FGF14: variants seen among roughly 807,000 people sequenced by gnomAD.
The protein encoded by FGF14 is fibroblast growth factor 14.
FGF14 carries 5 observed loss-of-function variants against 25.5 expected under a neutral mutation model. The observed-to-expected ratio is 0.20, with a 90% CI of 0.10 to 0.41. FGF14 has a LOEUF of 0.41. FGF14 is among the 10% of genes least tolerant of loss of function. The pLI is 1.00. For synonymous variants in FGF14, 138 were observed against 118.3 expected (o/e 1.17, Z -1.08); for missense variants, 222 against 320.1 (o/e 0.69, Z 2.34).
intron 3 of FGF14, among the ~76,000 whole-genome samples, chr13:101,801,056 A>T (rs953015439): frequency 2.0e-5 from 3 of 152,206 alleles, no homozygotes; most frequent in African/African-American, 7.2e-5. Flanking sequence ...AGTGAGGGAC[A>T]GCTACCTCGA....
chr13:101,778,139 A>G (rs552506627), intron 3 of FGF14, among the ~76,000 whole-genome samples: 1 of 152,296 alleles, frequency 6.6e-6, no homozygotes, highest in South Asian at 2.1e-4. Flanking sequence ...TCCGGCTGCC[A>G]AATTATTTAC....
intron 1 of FGF14, among the ~76,000 whole-genome samples, chr13:102,101,703 C>T (rs1303418316): frequency 1.3e-5 from 2 of 151,666 alleles, no homozygotes; most frequent in East Asian, 1.9e-4. Flanking sequence ...TCAGTTCCCC[C>T]CAACTTTTTT....
At chr13:101,871,510 A>G (rs922466651) in intron 2 of FGF14, among the ~76,000 whole-genome samples, 1 of 152,074 alleles carries the variant, frequency 6.6e-6, no homozygotes, top group African/African-American at 2.4e-5. Context: ...TTACACATCA[A>G]GTTACCAGGT....
At chr13:102,018,142 G>C (rs1053953324) in intron 1 of FGF14, among the ~76,000 whole-genome samples, 5 of 152,094 alleles carry the variant, frequency 3.3e-5, no homozygotes, top group African/African-American at 1.2e-4. Context: ...ATTTGTATGT[G>C]AATGTTTTTT....
intron 3 of FGF14, among the ~76,000 whole-genome samples, chr13:101,788,075 G>A (rs996080393): frequency 6.6e-6 from 1 of 152,126 alleles, no homozygotes; most frequent in Non-Finnish European, 1.5e-5. Flanking sequence ...GTTTTGCCAT[G>A]TTGGTCAGGC....
At chr13:101,908,642 T>C (rs150093259) in intron 1 of FGF14, among the ~76,000 whole-genome samples, 3,459 of 152,242 alleles carry the variant, frequency 0.023, 96 homozygotes, top group East Asian at 0.14. Flanking sequence ...GAAGAATCAA[T>C]ATCATGAAAA....
At chr13:101,801,598 T>C (rs540317949) in intron 3 of FGF14, among the ~76,000 whole-genome samples, 4 of 152,216 alleles carry the variant, frequency 2.6e-5, no homozygotes, top group Non-Finnish European at 5.9e-5. Flanking sequence ...TAGTTCTGAC[T>C]GATCTATTTA....
chr13:102,277,021 T>C (rs990661535), intron 1 of FGF14, among the ~76,000 whole-genome samples: 1 of 152,180 alleles, frequency 6.6e-6, no homozygotes, highest in Non-Finnish European at 1.5e-5. Context: ...AGGATTAATA[T>C]GTTGCCTAAC....
chr13:102,315,811 C>T (rs1156304915), intron 1 of FGF14, among the ~76,000 whole-genome samples: 2 of 152,148 alleles, frequency 1.3e-5, no homozygotes, highest in Admixed American at 6.5e-5. Flanking sequence ...GAGCCTAACA[C>T]AGATTTATTG....
intron 3 of FGF14, among the ~76,000 whole-genome samples, chr13:101,734,014 A>T (rs1241105911): frequency 1.3e-5 from 2 of 151,808 alleles, no homozygotes; most frequent in Non-Finnish European, 2.9e-5. Context: ...ATACATAAGG[A>T]GATGTCTGTG....
At chr13:102,316,973 T>C (rs1410318746) in intron 1 of FGF14, among the ~76,000 whole-genome samples, 1 of 152,186 alleles carries the variant, frequency 6.6e-6, no homozygotes, top group African/African-American at 2.4e-5. Flanking sequence ...ATGATACTTC[T>C]TTTGATTGTA....
At position 102,278,669 on chromosome 13, in the gene FGF14, CAT is replaced by C. The variant is rs757309812; in HGVS notation, c.208+122800_208+122801del. On this transcript the variant is annotated intron_variant, in intron 1 of 4. Transcript: ENST00000376131. Reference sequence around the variant, plus strand: ...ATACATACACACACATACACACACACATACACACTTCATTAAGCTCCAGTGTA... The same window carrying C: ...ATACATACACACACATACACACACACACACACTTCATTAAGCTCCAGTGTA... Among the ~76,000 whole-genome samples the C allele has an allele frequency of 7.3e-5, 11 of 150,832 alleles. No homozygotes were observed. In the East Asian group the frequency reaches 9.7e-4, roughly 13 times the overall value.
intron 1 of FGF14, among the ~76,000 whole-genome samples, chr13:102,056,554 C>T (rs1441042693): frequency 6.6e-6 from 1 of 152,172 alleles, no homozygotes; most frequent in Non-Finnish European, 1.5e-5. Flanking sequence ...CATTTTCCTA[C>T]TTCATGGTCT....
At chr13:102,186,696 T>C (rs1464190867) in intron 1 of FGF14, among the ~76,000 whole-genome samples, 2 of 152,188 alleles carry the variant, frequency 1.3e-5, no homozygotes, top group Non-Finnish European at 2.9e-5. Context: ...ATGTTTAAGT[T>C]ATATATTTAG....
At chr13:102,252,638 T>C (rs989759605) in intron 1 of FGF14, among the ~76,000 whole-genome samples, 9 of 152,116 alleles carry the variant, frequency 5.9e-5, no homozygotes, top group Non-Finnish European at 1.3e-4. Flanking sequence ...GTTTCTTATA[T>C]GTATTTTTAT....
At chr13:102,340,183 C>T (rs2056906898) in intron 1 of FGF14, among the ~76,000 whole-genome samples, 1 of 152,210 alleles carries the variant, frequency 6.6e-6, no homozygotes, top group Non-Finnish European at 1.5e-5. Flanking sequence ...GTGCCCAGCC[C>T]TGAATTTCTT....
intron 1 of FGF14, among the ~76,000 whole-genome samples, chr13:102,368,296 T>C (rs1037736248): frequency 2.6e-5 from 4 of 152,244 alleles, no homozygotes; most frequent in African/African-American, 9.6e-5. Context: ...GGGGTTTTAA[T>C]ATGTCAGTTT....
intron 1 of FGF14, among the ~76,000 whole-genome samples, chr13:102,310,165 T>C (rs906719704): frequency 1.3e-5 from 2 of 152,116 alleles, no homozygotes; most frequent in Admixed American, 1.3e-4. Flanking sequence ...TTGGGAAAAC[T>C]TTGGAAAGGC....
Position 102,173,829 on chromosome 13 carries a change from G to C in FGF14, c.208+227642C>G, listed in dbSNP as rs190294904. On this transcript the variant is annotated intron_variant, in intron 1 of 4. Transcript: ENST00000376131. ...TATCAAAAGCTGAGGGTAGGGGTAG[G>C]GGGGTATGGGAAGTTGTTCAATGGG... 4.5e-3 allele frequency among the ~76,000 whole-genome samples: 688 copies of C among 152,128 alleles called. 5 individuals carry two copies. Among genetic ancestry groups the C allele is most frequent in the African/African-American group, 0.016 (651 of 41,502 alleles).
Sources: allele counts gnomAD v4.1 joint callset (sites outside exome capture counted in the v4.1 genomes callset), GRCh38; gene constraint gnomAD v4.1.1; transcripts MANE v1.5; gene names NCBI Gene and HGNC (gene_info 2026-07-23, HGNC 2026-07-21).